Variants in CHN2 observed in about 807,000 individuals in gnomAD.
The protein encoded by CHN2 is beta-chimaerin.
Under a neutral mutation model 56.3 loss-of-function variants are expected in CHN2, and 35 were observed. That is an observed-to-expected ratio of 0.62 (90% CI 0.47 to 0.82). CHN2 has a LOEUF of 0.82. Ranked by LOEUF, CHN2 falls within the 40% of genes least tolerant of loss-of-function variation. CHN2 has a pLI of 0.00. For missense variants in CHN2, 491 were observed against 580.5 expected, an observed-to-expected ratio of 0.85 and a Z score of 1.58; for synonymous variants, 210 against 212.8, an observed-to-expected ratio of 0.99 and a Z score of 0.12.
At chr7:29,190,592 A>G (rs1782762990), upstream of CHN2, among the ~76,000 whole-genome samples, 1 of 152,202 alleles carries the variant, frequency 6.6e-6, no homozygotes, top group Non-Finnish European at 1.5e-5. Flanking sequence ...CAGCCGGTGA[A>G]GGAGGGTGGG....
intron 1 of CHN2, among the ~76,000 whole-genome samples, chr7:29,252,435 G>T (rs1048359987): frequency 6.6e-6 from 1 of 151,298 alleles, no homozygotes; most frequent in African/African-American, 2.4e-5. Context: ...TGATCTGCCA[G>T]CTTCAGCCTC....
chr7:29,484,816 A>T (rs935126050), intron 7 of CHN2, among the ~76,000 whole-genome samples: 9 of 152,140 alleles, frequency 5.9e-5, no homozygotes, highest in African/African-American at 2.4e-5. Flanking sequence ...ACCCTAAAGG[A>T]TGCATTGTCA....
At chr7:29,438,473 TTAAC>T (rs1783402187) in intron 6 of CHN2, among the ~76,000 whole-genome samples, 1 of 152,372 alleles carries the variant, frequency 6.6e-6, no homozygotes, top group African/African-American at 2.4e-5. Context: ...TGTAACTAAT[TTAAC>T]TACCTTCTAT....
At chr7:29,365,842 G>A (rs147243349) in intron 2 of CHN2, among the ~76,000 whole-genome samples, 12 of 152,310 alleles carry the variant, frequency 7.9e-5, no homozygotes, top group African/African-American at 2.4e-4. Context: ...TTTTAAAACA[G>A]TCACTCTAGC....
rs1187330410 is a variant in CHN2 at position 29,400,523 on chromosome 7, C to A, written c.291-20C>A. 1.2e-6 allele frequency: 2 copies of A among 1,611,140 alleles called. No homozygotes were observed. The highest frequency in any genetic ancestry group is 1.7e-6 in the Non-Finnish European group (2 of 1,178,482). On this transcript the variant is annotated intron_variant, in intron 5 of 12. Transcript: ENST00000222792. ...GCTTATTTCTAACGTGGTTGTAATC[C>A]CTCATTCTCTCACGGGCAGGTTTGG...
At chr7:29,242,881 C>T (rs1787801455) in intron 1 of CHN2, among the ~76,000 whole-genome samples, 1 of 146,838 alleles carries the variant, frequency 6.8e-6, no homozygotes, top group South Asian at 2.1e-4. Flanking sequence ...TATTTCATGA[C>T]AACTTTTTTT....
At chr7:29,320,456 A>G (rs1795253474) in intron 1 of CHN2, among the ~76,000 whole-genome samples, 2 of 152,318 alleles carry the variant, frequency 1.3e-5, no homozygotes, top group South Asian at 4.1e-4. Context: ...TGGCCTCCCC[A>G]CAGATTTGTG....
At chr7:29,198,599 C>T (rs1043492243) in intron 1 of CHN2, among the ~76,000 whole-genome samples, 2 of 152,020 alleles carry the variant, frequency 1.3e-5, no homozygotes, top group Non-Finnish European at 2.9e-5. Context: ...CTTTGATTAC[C>T]TTTATTATTT....
chr7:29,253,224 C>G lies in CHN2; in HGVS notation c.49+58234C>G, dbSNP rs189471029. 2.7e-3 allele frequency among the ~76,000 whole-genome samples: 411 copies of G among 152,306 alleles called. 2 individuals carry two copies. Among genetic ancestry groups the G allele is most frequent in the Non-Finnish European group, 3.1e-3 (209 of 68,014 alleles). On this transcript the variant is annotated intron_variant, in intron 1 of 12. Transcript: ENST00000222792. ...AAGCCTCCTGATGCCATCAGGGACC[C>G]AGGCTTCTTCTCTCTTCCGGCCTGT...
At chr7:29,206,733 A>G (rs1033814627) in intron 1 of CHN2, among the ~76,000 whole-genome samples, 2 of 152,232 alleles carry the variant, frequency 1.3e-5, no homozygotes, top group African/African-American at 4.8e-5. Context: ...AAACATAAGT[A>G]GTAAAGCTAG....
chr7:29,360,360 GA>G (rs1798641059), intron 2 of CHN2, among the ~76,000 whole-genome samples: 1 of 151,886 alleles, frequency 6.6e-6, no homozygotes, highest in Non-Finnish European at 1.5e-5. Context: ...CATCTCTACT[GA>G]AAATACAAAA....
At chr7:29,275,728 T>C (rs560411646) in intron 1 of CHN2, among the ~76,000 whole-genome samples, 2 of 152,198 alleles carry the variant, frequency 1.3e-5, no homozygotes, top group Admixed American at 1.3e-4. Context: ...CCTCTCAGGG[T>C]CACTCAGGTT....
At chr7:29,352,796 T>C (rs1433381151) in intron 1 of CHN2, among the ~76,000 whole-genome samples, 2 of 152,080 alleles carry the variant, frequency 1.3e-5, no homozygotes, top group Non-Finnish European at 2.9e-5. Flanking sequence ...TCTGATGAGG[T>C]GGCATTGTAT....
chr7:29,165,191 A>G (rs1795747052), intron 2 of CHN2, among the ~76,000 whole-genome samples: 1 of 152,038 alleles, frequency 6.6e-6, no homozygotes, highest in East Asian at 1.9e-4. Flanking sequence ...GGGCATGTAT[A>G]TCTCATCTTT....
chr7:29,151,771 T>G lies in CHN2; in HGVS notation c.274+4811T>G, dbSNP rs1210187713. Among the ~76,000 whole-genome samples, 3 of 152,176 alleles carry G rather than the reference T, an allele frequency of 2.0e-5. 1 individual carries two copies. The highest frequency in any genetic ancestry group is 7.2e-5 in the African/African-American group (3 of 41,440). On this transcript the variant is annotated intron_variant, in intron 2 of 6. Coordinates refer to the CHN2 transcript ENST00000439384. ...GACCTTTGCTGTGTTAATTAACCTC[T>G]CTAAGCCTTAGCCTTCTCATGTATG...
At chr7:29,150,104 C>T (rs938501223) in intron 2 of CHN2, among the ~76,000 whole-genome samples, 2 of 152,124 alleles carry the variant, frequency 1.3e-5, no homozygotes, top group Non-Finnish European at 2.9e-5. Flanking sequence ...ACTGTCAGGT[C>T]GATCACAAGC....
chr7:29,263,955 G>T, intron 1 of CHN2, among the ~76,000 whole-genome samples: 1 of 132,674 alleles, frequency 7.5e-6, no homozygotes, highest in Non-Finnish European at 1.6e-5. Flanking sequence ...CCGGCCAGCC[G>T]CCCCGTCTGG....
intron 1 of CHN2, among the ~76,000 whole-genome samples, chr7:29,235,463 G>A (rs552401964): frequency 6.6e-6 from 1 of 152,160 alleles, no homozygotes; most frequent in Non-Finnish European, 1.5e-5. Context: ...ACTGTGGAAA[G>A]CACTTTGAAG....
intron 3 of CHN2, among the ~76,000 whole-genome samples, chr7:29,393,446 T>C (rs1273726824): frequency 6.6e-6 from 1 of 152,196 alleles, no homozygotes; most frequent in African/African-American, 2.4e-5. Context: ...AATTCTCTTA[T>C]TGGATGATTG....
Sources: gnomAD v4.1 joint callset for allele counts (sites outside exome capture counted in the v4.1 genomes callset) on GRCh38, gnomAD v4.1.1 for gene constraint, MANE v1.5 for transcripts, NCBI Gene and HGNC (gene_info 2026-07-23, HGNC 2026-07-21) for gene names.